Variants in AKAP13 observed in about 807,000 individuals in gnomAD.
AKAP13 encodes the protein A-kinase anchoring protein 13.
In AKAP13, 80 loss-of-function variants were observed where a neutral mutation model predicts 264.5. The observed-to-expected ratio is 0.30, with a 90% CI of 0.25 to 0.36. The LOEUF (loss-of-function observed/expected upper bound fraction) is 0.36, where lower values mean the gene tolerates loss of function less well. Among genes scored for constraint, AKAP13 ranks in the 10% least tolerant of loss-of-function variants. AKAP13 has a pLI of 1.00. For synonymous variants in AKAP13, 1,380 were observed against 1,250.2 expected (o/e 1.10, Z -2.19); for missense variants, 3,712 against 3,435.2 (o/e 1.08, Z -2.01).
intron 17 of AKAP13, 56 bp from the exon 18 acceptor site, chr15:85,707,963 A>G: frequency 6.3e-7 from 1 of 1,582,118 alleles, no homozygotes. Flanking sequence ...GTGGAAACTC[A>G]GAATCTGGGA....
intron 5 of AKAP13, among the ~76,000 whole-genome samples, chr15:85,550,248 G>C (rs2077909116): frequency 6.6e-6 from 1 of 152,178 alleles, no homozygotes; most frequent in Admixed American, 6.5e-5. Context: ...ACTGAGGCCA[G>C]AGAGGTAAAG....
intron 17 of AKAP13, among the ~76,000 whole-genome samples, chr15:85,695,252 A>G (rs1233431523): frequency 2.0e-5 from 3 of 152,300 alleles, no homozygotes; most frequent in South Asian, 2.1e-4. Flanking sequence ...TAAAAATACA[A>G]AGTTAGCTGG....
intron 10 of AKAP13, among the ~76,000 whole-genome samples, chr15:85,654,490 A>G (rs966883571): frequency 2.6e-5 from 4 of 152,180 alleles, no homozygotes; most frequent in East Asian, 1.9e-4. Flanking sequence ...AGTTGGTGAT[A>G]TTTACTGAAA....
intron 1 of AKAP13, among the ~76,000 whole-genome samples, chr15:85,467,675 GAA>G: frequency 6.6e-6 from 1 of 152,286 alleles, no homozygotes; most frequent in Admixed American, 6.5e-5. Context: ...TACTTTGAAG[GAA>G]AAGACTGTAT....
chr15:85,600,927 C>G (rs564004324), intron 8 of AKAP13, among the ~76,000 whole-genome samples: 68 of 152,196 alleles, frequency 4.5e-4, no homozygotes, highest in Non-Finnish European at 8.8e-4. Context: ...GAACCTGTGA[C>G]AAGTTAATCT....
At position 85,736,128 on chromosome 15, in the gene AKAP13, C is replaced by T. The variant is rs763653366; in HGVS notation, c.7551C>T (p.Asn2517=). ...NANLVFMLKR[N]SEQVVQSVVH... ...ACCTGGTATTTATGCTTAAAAGAAACAGTGAGGTAAGGACATTATGAACTA... is the reference window on the plus strand; with the variant it reads ...ACCTGGTATTTATGCTTAAAAGAAATAGTGAGGTAAGGACATTATGAACTA... The change falls in exon 33 of 37, where the codon AAC becomes AAT. Residue 2517 remains asparagine (N), a synonymous_variant. Coordinates refer to ENST00000394518, the MANE Select transcript of AKAP13 (RefSeq NM_007200.5). 1 of 1,603,426 alleles carries T rather than the reference C, an allele frequency of 6.2e-7. No homozygotes were observed. Among genetic ancestry groups the T allele is most frequent in the Non-Finnish European group, 8.5e-7 (1 of 1,170,906 alleles).
rs1174810271 is a variant in AKAP13, at chr15:85,717,338, T to C, written c.5784T>C (p.His1928=). ...NMSNTWKFLS[H]STDSLNKISK... ...CAAACACCTGGAAATTCCTGTCTCA[T>C]TCAACAGACTCACTAAATAAAATCA... The change falls in exon 21 of 37, where the codon CAT becomes CAC. Residue 1928 remains histidine, a synonymous_variant. Transcript: ENST00000394518. 3.1e-6 allele frequency: 5 copies of C among 1,613,156 alleles called. No individual in the cohort carries two copies. Among genetic ancestry groups the C allele is most frequent in the Non-Finnish European group, 4.2e-6 (5 of 1,179,790 alleles).
chr15:85,719,336 G>A lies in AKAP13; in HGVS notation c.6252+10G>A. 6.2e-6 allele frequency: 10 copies of A among 1,613,776 alleles called. No homozygotes were observed. Among genetic ancestry groups the A allele is most frequent in the Non-Finnish European group, 7.6e-6 (9 of 1,179,820 alleles). ...TGTGCTTGTAAATCAGGTGAGAATG[G>A]GAAGGATCTCAGGTTCTTACATACA... On this transcript the variant is annotated intron_variant, in intron 23 of 36. Transcript: ENST00000394518.
chr15:85,416,995 A>C (rs926997542), intron 1 of AKAP13, among the ~76,000 whole-genome samples: 1 of 152,230 alleles, frequency 6.6e-6, no homozygotes, highest in Admixed American at 6.5e-5. Context: ...CTTCAAAATG[A>C]AATACGGGAT....
intron 1 of AKAP13, among the ~76,000 whole-genome samples, chr15:85,477,655 AAAAG>A (rs1567077630): frequency 3.4e-4 from 51 of 151,920 alleles, no homozygotes; most frequent in African/African-American, 1.2e-3. Context: ...AAAAAAAAAA[AAAAG>A]GCAGAGCTTT....
chr15:85,512,564 A>G (rs2076466243), intron 2 of AKAP13, among the ~76,000 whole-genome samples: 1 of 152,134 alleles, frequency 6.6e-6, no homozygotes, highest in Admixed American at 6.5e-5. Context: ...AGGAAAGAAT[A>G]CAGACTTAGG....
intron 19 of AKAP13, among the ~76,000 whole-genome samples, chr15:85,714,141 G>A (rs2086784391): frequency 6.6e-6 from 1 of 152,104 alleles, no homozygotes; most frequent in Non-Finnish European, 1.5e-5. Context: ...TGTTTGTTAT[G>A]TGTATTATAT....
Position 85,480,629 on chromosome 15 carries a change from T to G in AKAP13, c.-11-5081T>G, listed in dbSNP as rs530748421. On this transcript the variant is annotated intron_variant, in intron 1 of 36. Coordinates refer to ENST00000394518, the MANE Select transcript of AKAP13 (RefSeq NM_007200.5). ...GATGTAGGTGGTGGGGGTGGGGGGG[T>G]TAAGCTGAAAATATCTGTGAGATGT... Among the ~76,000 whole-genome samples the G allele has an allele frequency of 2.4e-4, 37 of 151,798 alleles. No individual in the cohort carries two copies. In the South Asian group the frequency reaches 7.7e-3, roughly 32 times the overall value.
chr15:85,713,620 A>G (rs2151705578), intron 19 of AKAP13, among the ~76,000 whole-genome samples: 1 of 152,252 alleles, frequency 6.6e-6, no homozygotes, highest in South Asian at 2.1e-4. Flanking sequence ...ATCCTTGTGT[A>G]CTTTCTGCAG....
intron 2 of AKAP13, among the ~76,000 whole-genome samples, chr15:85,506,521 T>G (rs2076227500): frequency 7.7e-6 from 1 of 130,330 alleles, no homozygotes; most frequent in African/African-American, 2.8e-5. Flanking sequence ...TATATATACA[T>G]ATAGGTATAA....
chr15:85,461,249 G>A (rs531969651), intron 1 of AKAP13, among the ~76,000 whole-genome samples: 1 of 152,094 alleles, frequency 6.6e-6, no homozygotes. Context: ...CCAAGTAGCT[G>A]GGATTACAAG....
chr15:85,383,848 T>A (rs1410871557), intron 1 of AKAP13, among the ~76,000 whole-genome samples: 1 of 152,236 alleles, frequency 6.6e-6, no homozygotes, highest in East Asian at 1.9e-4. Flanking sequence ...ATTGTGTCTG[T>A]ATTTCTCAAA....
chr15:85,577,651 G>T (rs2079060514), intron 6 of AKAP13: 1 of 287,612 alleles, frequency 3.5e-6, no homozygotes, highest in Non-Finnish European at 5.2e-6. Context: ...ATACTTTAAA[G>T]TTGCAAAATC....
At chr15:85,660,603 C>T (rs1663611761) in intron 12 of AKAP13, among the ~76,000 whole-genome samples, 1 of 152,020 alleles carries the variant, frequency 6.6e-6, no homozygotes, top group South Asian at 2.1e-4. Context: ...AAAAATATGC[C>T]TATTTATTAA....
Sources: allele counts gnomAD v4.1 joint callset (sites outside exome capture counted in the v4.1 genomes callset), GRCh38; gene constraint gnomAD v4.1.1; transcripts MANE v1.5; gene names NCBI Gene and HGNC (gene_info 2026-07-23, HGNC 2026-07-21).